TBXAS1: variants seen among roughly 807,000 people sequenced by gnomAD.
TBXAS1 encodes the protein thromboxane-A synthase.
Under a neutral mutation model 60.7 loss-of-function variants are expected in TBXAS1, and 48 were observed. That is an observed-to-expected ratio of 0.79 (90% CI 0.63 to 1.01). TBXAS1 has a LOEUF of 1.01. Among genes scored for constraint, TBXAS1 ranks in the 50% least tolerant of loss-of-function variants. TBXAS1 has a pLI of 0.00. For missense variants in TBXAS1, 685 were observed against 686.3 expected (o/e 1.00, Z 0.02); for synonymous variants, 287 against 269.7 (o/e 1.06, Z -0.63).
At chr7:139,926,922 C>A (rs1383774457) in intron 4 of TBXAS1, among the ~76,000 whole-genome samples, 1 of 151,912 alleles carries the variant, frequency 6.6e-6, no homozygotes, top group African/African-American at 2.4e-5. Flanking sequence ...TCCAATTAAA[C>A]AATTGGAAAT....
intron 10 of TBXAS1, among the ~76,000 whole-genome samples, chr7:140,008,761 T>C: frequency 6.6e-6 from 1 of 152,206 alleles, no homozygotes; most frequent in East Asian, 1.9e-4. Context: ...ATTTTTTTCA[T>C]AATTGATATC....
intron 1 of TBXAS1, among the ~76,000 whole-genome samples, chr7:139,841,590 T>C (rs1456521147): frequency 1.3e-5 from 2 of 151,724 alleles, no homozygotes; most frequent in African/African-American, 2.4e-5. Context: ...CTGTGAAAAC[T>C]AGGTCTGTGG....
chr7:139,781,184 G>A (rs1038984359), intron 2 of TBXAS1, among the ~76,000 whole-genome samples: 2 of 152,170 alleles, frequency 1.3e-5, no homozygotes, highest in African/African-American at 2.4e-5. Flanking sequence ...TTGAGCTAGC[G>A]AAGTTCGTAT....
chr7:139,868,905 G>A (rs1355331845), intron 1 of TBXAS1, among the ~76,000 whole-genome samples: 1 of 151,710 alleles, frequency 6.6e-6, no homozygotes, highest in Non-Finnish European at 1.5e-5. Context: ...TGCCTGCCTT[G>A]GCTCCCCGAA....
rs115162089 is a variant in TBXAS1, at chr7:139,920,410, G to C, written c.333+9089G>C. Among the ~76,000 whole-genome samples the C allele has an allele frequency of 2.1e-3, 322 of 152,270 alleles. 3 individuals carry two copies. The highest frequency in any genetic ancestry group is 7.2e-3 in the African/African-American group (298 of 41,562). On this transcript the variant is annotated intron_variant, in intron 4 of 12. Coordinates refer to ENST00000448866, the MANE Select transcript of TBXAS1 (RefSeq NM_001061.7). Reference sequence around the variant, plus strand: ...GCCTCTTTTAGAAATGGGAAACAAAGGGCCCATAGGCCCTAAAAGGGGCCA... The same window carrying C: ...GCCTCTTTTAGAAATGGGAAACAAACGGCCCATAGGCCCTAAAAGGGGCCA...
chr7:139,795,610 T>C (rs1797544029), intron 4 of TBXAS1, among the ~76,000 whole-genome samples: 1 of 147,086 alleles, frequency 6.8e-6, no homozygotes, highest in African/African-American at 2.5e-5. Flanking sequence ...TCCTGAATGG[T>C]AATGCCTAGG....
At chr7:139,889,534 G>C (rs1405758591) in intron 3 of TBXAS1, among the ~76,000 whole-genome samples, 1 of 152,170 alleles carries the variant, frequency 6.6e-6, no homozygotes, top group Non-Finnish European at 1.5e-5. Context: ...ATGTGTTCAA[G>C]CTGTTATAAC....
At chr7:139,816,452 T>C (rs1464245924) in intron 4 of TBXAS1, among the ~76,000 whole-genome samples, 1 of 152,210 alleles carries the variant, frequency 6.6e-6, no homozygotes, top group African/African-American at 2.4e-5. Flanking sequence ...GGTGCCATCT[T>C]TGAATCTAAT....
chr7:139,946,256 T>C (rs139694378), intron 5 of TBXAS1, among the ~76,000 whole-genome samples: 1 of 152,170 alleles, frequency 6.6e-6, no homozygotes, highest in African/African-American at 2.4e-5. Flanking sequence ...GGGAGGATGG[T>C]TTGAGCCCAG....
Position 139,953,244 on chromosome 7 carries a change from A to C in TBXAS1, c.451-124A>C. 4 of 815,244 alleles carry C rather than the reference A, an allele frequency of 4.9e-6. 1 individual carries two copies. The South Asian group carries it at 5.6e-5, about 11-fold the overall frequency. 50.5% of individuals were successfully genotyped at this position (815,244 alleles called of 1,614,324 possible). A position where few individuals can be genotyped will look rare whatever the true frequency, so the allele number is the denominator to read the frequency against. On this transcript the variant is annotated intron_variant, in intron 5 of 12. Coordinates refer to ENST00000448866, the MANE Select transcript of TBXAS1 (RefSeq NM_001061.7). ...CTTCTTCTTGAATCTTAGCTGTGTG[A>C]AAAATATCTTCCAAACAGTGTTCAT...
rs201557830 is a variant in TBXAS1 at position 139,984,782 on chromosome 7, AAAG to A, written c.1135-22306_1135-22304del. ...AAAGAAAGCAGGAAAGAAAGAAAGA[AAAG>A]AAAGAAAGAAAGGGAAGGGGGAAAG... On this transcript the variant is annotated intron_variant, in intron 9 of 12. Coordinates refer to ENST00000448866, the MANE Select transcript of TBXAS1 (RefSeq NM_001061.7). 5.6e-3 allele frequency among the ~76,000 whole-genome samples: 820 copies of A among 145,616 alleles called. 12 individuals carry two copies. The highest frequency in any genetic ancestry group is 0.02 in the African/African-American group (773 of 39,230).
At chr7:139,946,721 T>C (rs1808752810) in intron 5 of TBXAS1, among the ~76,000 whole-genome samples, 1 of 152,194 alleles carries the variant, frequency 6.6e-6, no homozygotes, top group Admixed American at 6.5e-5. Context: ...CTGCTTTCTG[T>C]GCCAAGTGTT....
At chr7:140,001,283 C>T (rs1813655659) in intron 9 of TBXAS1, among the ~76,000 whole-genome samples, 1 of 152,190 alleles carries the variant, frequency 6.6e-6, no homozygotes. Flanking sequence ...TCAGGTGCTT[C>T]CTGGCTTGAA....
chr7:139,785,887 C>T (rs79101912), intron 3 of TBXAS1, among the ~76,000 whole-genome samples: 1 of 151,764 alleles, frequency 6.6e-6, no homozygotes, highest in Non-Finnish European at 1.5e-5. Flanking sequence ...CTGAACTCCA[C>T]GTCTTCCCCA....
chr7:139,919,404 A>G (rs533294931), intron 4 of TBXAS1, among the ~76,000 whole-genome samples: 29 of 152,172 alleles, frequency 1.9e-4, no homozygotes, highest in Non-Finnish European at 2.8e-4. Flanking sequence ...GTATAACACT[A>G]TCTCTTGGAG....
At chr7:139,952,021 G>T (rs1014333568) in intron 5 of TBXAS1, among the ~76,000 whole-genome samples, 1 of 140,960 alleles carries the variant, frequency 7.1e-6, no homozygotes, top group Non-Finnish European at 1.6e-5. Context: ...AAAAAGAAAG[G>T]AAGGAAGGAG....
chr7:140,012,631 G>A (rs747788125), intron 10 of TBXAS1, among the ~76,000 whole-genome samples: 3 of 152,054 alleles, frequency 2.0e-5, no homozygotes, highest in Non-Finnish European at 4.4e-5. Flanking sequence ...GCTAATTTGG[G>A]TATTTTTAGT....
Position 139,779,111 on chromosome 7 carries a change from AT to A in TBXAS1, c.-318+644del, listed in dbSNP as rs1332648597. Among the ~76,000 whole-genome samples, 3 of 152,308 alleles carry A rather than the reference AT, an allele frequency of 2.0e-5. No homozygotes were observed. The East Asian group carries it at 5.8e-4, about 29-fold the overall frequency. ...ACAAGTGTACTGGACCATGATGTCA[AT>A]TTTATTTCCGTCTGTGAATCGTGGG... On this transcript the variant is annotated intron_variant, in intron 1 of 16. Transcript: ENST00000336425.
chr7:139,979,069 G>C (rs1477168482), intron 9 of TBXAS1, among the ~76,000 whole-genome samples: 1 of 152,222 alleles, frequency 6.6e-6, no homozygotes, highest in African/African-American at 2.4e-5. Flanking sequence ...CAGAGCTCCT[G>C]GGAGTTATCT....
Sources: allele counts gnomAD v4.1 joint callset (sites outside exome capture counted in the v4.1 genomes callset), GRCh38; gene constraint gnomAD v4.1.1; transcripts MANE v1.5; gene names NCBI Gene and HGNC (gene_info 2026-07-23, HGNC 2026-07-21).